The following BPIFA2 variants were observed in gnomAD, a reference collection of about 807,000 sequenced individuals.
The protein encoded by BPIFA2 is BPI fold-containing family A member 2.
BPIFA2 carries 20 observed loss-of-function variants against 25.7 expected under a neutral mutation model. The observed-to-expected ratio is 0.78, with a 90% CI of 0.55 to 1.13. The LOEUF (loss-of-function observed/expected upper bound fraction) is 1.13, where lower values mean the gene tolerates loss of function less well. BPIFA2 is among the 50% of genes most tolerant of loss of function. BPIFA2 has a pLI of 0.00. For synonymous variants in BPIFA2, 126 were observed against 124.3 expected (o/e 1.01, Z -0.09); for missense variants, 300 against 298.1 (o/e 1.01, Z -0.05).
chr20:33,179,431 G>GGA (rs1265374329), intron 6 of BPIFA2, among the ~76,000 whole-genome samples, 173 bp from the exon 7 acceptor site: 1 of 117,908 alleles, frequency 8.5e-6, no homozygotes, highest in African/African-American at 2.9e-5. Context: ...TTCTGTCTCA[G>GGA]AAAAAAAAAA....
intron 3 of BPIFA2, 65 bp downstream of exon 3, chr20:33,173,141 G>T (rs529308659): frequency 6.4e-7 from 1 of 1,551,838 alleles, no homozygotes; most frequent in African/African-American, 1.4e-5. Context: ...CTTTGAGGAG[G>T]TAAGTTTAAG....
upstream of BPIFA2, among the ~76,000 whole-genome samples, chr20:33,165,422 T>TGG (rs1302000280): frequency 6.6e-6 from 1 of 152,088 alleles, no homozygotes; most frequent in African/African-American, 2.4e-5. Context: ...GGAGAAGGGG[T>TGG]GGGGGCTGCT....
intron 8 of BPIFA2, among the ~76,000 whole-genome samples, chr20:33,180,942 G>A (rs1366239130): frequency 2.6e-5 from 4 of 152,272 alleles, no homozygotes; most frequent in South Asian, 4.1e-4. Flanking sequence ...CCTGAACCTG[G>A]CTCCAGTAGT....
upstream of BPIFA2, among the ~76,000 whole-genome samples, chr20:33,165,046 C>G (rs148519403): frequency 6.6e-6 from 1 of 152,166 alleles, no homozygotes; most frequent in African/African-American, 2.4e-5. Context: ...AATACTTGAG[C>G]GCTGAAAGAA....
upstream of BPIFA2, among the ~76,000 whole-genome samples, chr20:33,165,166 A>T (rs1983688476): frequency 6.6e-6 from 1 of 152,270 alleles, no homozygotes; most frequent in Admixed American, 6.5e-5. Flanking sequence ...TCTATTTAGC[A>T]GTCACAGGAA....
At chr20:33,168,439 G>A (rs1194683528) in intron 1 of BPIFA2, among the ~76,000 whole-genome samples, 2 of 152,138 alleles carry the variant, frequency 1.3e-5, no homozygotes, top group East Asian at 1.9e-4. Flanking sequence ...TGACTGTCCA[G>A]GTGTCAAGAC....
upstream of BPIFA2, among the ~76,000 whole-genome samples, chr20:33,163,290 T>A (rs920446681): frequency 2.0e-5 from 3 of 152,188 alleles, no homozygotes; most frequent in Non-Finnish European, 4.4e-5. Flanking sequence ...TTTATTGGGA[T>A]CCACCAAAAG....
intron 5 of BPIFA2, among the ~76,000 whole-genome samples, chr20:33,176,159 T>C (rs1173188249): frequency 6.6e-6 from 1 of 152,228 alleles, no homozygotes; most frequent in Non-Finnish European, 1.5e-5. Flanking sequence ...AATTTCAGAT[T>C]GTCCCCAAAT....
At chr20:33,163,691 G>A (rs1361848742), upstream of BPIFA2, among the ~76,000 whole-genome samples, 1 of 152,126 alleles carries the variant, frequency 6.6e-6, no homozygotes, top group Non-Finnish European at 1.5e-5. Context: ...GTGTGGTGGT[G>A]CATGCTTGTA....
At chr20:33,172,880 G>C in intron 2 of BPIFA2, 52 bp from the exon 3 acceptor site, 1 of 1,587,358 alleles carries the variant, frequency 6.3e-7, no homozygotes, top group Non-Finnish European at 8.6e-7. Context: ...CTGGAGCATC[G>C]TAGCTACTTC....
At chr20:33,167,209 C>A (rs1983751825), upstream of BPIFA2, among the ~76,000 whole-genome samples, 1 of 152,176 alleles carries the variant, frequency 6.6e-6, no homozygotes. Flanking sequence ...GGTGGGTGAG[C>A]AGAAGGGCAG....
intron 5 of BPIFA2, 91 bp downstream of exon 5, chr20:33,175,650 A>G (rs1984054300): frequency 2.2e-6 from 3 of 1,345,872 alleles, no homozygotes; most frequent in African/African-American, 1.5e-5. Context: ...GAGGAGGCCT[A>G]GTGGTGAAAG....
upstream of BPIFA2, among the ~76,000 whole-genome samples, chr20:33,167,147 G>T (rs1983750209): frequency 6.6e-6 from 1 of 152,210 alleles, no homozygotes; most frequent in Admixed American, 6.5e-5. Flanking sequence ...CCCACCGTTT[G>T]CTTGGTTGCA....
At chr20:33,175,951 G>A (rs954252944) in intron 5 of BPIFA2, among the ~76,000 whole-genome samples, 1 of 152,128 alleles carries the variant, frequency 6.6e-6, no homozygotes, top group African/African-American at 2.4e-5. Context: ...AACTCGGTCA[G>A]TTTCTGCTTC....
chr20:33,167,660 G>T (rs1983763584), upstream of BPIFA2, among the ~76,000 whole-genome samples: 1 of 120,948 alleles, frequency 8.3e-6, no homozygotes, highest in South Asian at 3.0e-4. Context: ...CACCTGCCGG[G>T]TGCAGACCCC....
chr20:33,176,664 T>C (rs773651962), intron 5 of BPIFA2, among the ~76,000 whole-genome samples: 7 of 152,216 alleles, frequency 4.6e-5, no homozygotes, highest in Non-Finnish European at 2.9e-5. Context: ...GGCACCACTC[T>C]GAGGCTCCAG....
chr20:33,174,261 G>T, intron 4 of BPIFA2, 75 bp downstream of exon 4: 2 of 1,326,350 alleles, frequency 1.5e-6, no homozygotes, highest in Non-Finnish European at 2.2e-6. Flanking sequence ...CTGGGAATCG[G>T]GCACCTCCTC....
intron 1 of BPIFA2, 38 bp from the exon 2 acceptor site, chr20:33,169,093 G>A: frequency 1.3e-6 from 2 of 1,544,572 alleles, no homozygotes; most frequent in Non-Finnish European, 1.8e-6. Context: ...ATTTCCCTCT[G>A]GGCAATTCTC....
upstream of BPIFA2, among the ~76,000 whole-genome samples, chr20:33,165,953 C>G (rs965247951): frequency 3.9e-5 from 6 of 152,074 alleles, no homozygotes; most frequent in African/African-American, 1.4e-4. Context: ...CCCCACCCAC[C>G]AAGGACCCTA....
Sources: gnomAD v4.1 joint callset for allele counts (sites outside exome capture counted in the v4.1 genomes callset) on GRCh38, gnomAD v4.1.1 for gene constraint, MANE v1.5 for transcripts, NCBI Gene and HGNC (gene_info 2026-07-23, HGNC 2026-07-21) for gene names.